The following SPEN variants were observed in gnomAD, a reference collection of about 807,000 sequenced individuals.
The protein encoded by SPEN is spen family transcriptional repressor.
A neutral mutation model predicts 269.9 loss-of-function variants in SPEN; 18 were observed. The ratio of observed to expected loss-of-function variants is 0.07; its 90% CI spans 0.05 to 0.10. The LOEUF (loss-of-function observed/expected upper bound fraction) is 0.10. Ranked by LOEUF, SPEN falls within the 10% of genes least tolerant of loss-of-function variation. SPEN has a pLI of 1.00. For missense variants in SPEN, 3,822 were observed against 4,631.2 expected, an observed-to-expected ratio of 0.83 and a Z score of 5.07; for synonymous variants, 1,726 against 1,765.7, an observed-to-expected ratio of 0.98 and a Z score of 0.56.
intron 10 of SPEN, among the ~76,000 whole-genome samples, chr1:15,924,239 C>G (rs1285682773): frequency 6.6e-6 from 1 of 152,140 alleles, no homozygotes; most frequent in African/African-American, 2.4e-5. Context: ...ATCCTGGCTT[C>G]CCAAGTAGCA....
chr1:15,910,690 G>A (rs911516246), intron 4 of SPEN, among the ~76,000 whole-genome samples: 4 of 150,706 alleles, frequency 2.7e-5, no homozygotes, highest in South Asian at 2.1e-4. Context: ...ATTTACACAC[G>A]TATATTTATG....
intron 3 of SPEN, among the ~76,000 whole-genome samples, chr1:15,877,840 G>A (rs575005855): frequency 6.7e-6 from 1 of 150,144 alleles, no homozygotes; most frequent in African/African-American, 2.5e-5. Flanking sequence ...CACCTCCTGG[G>A]TTCAAGTGAG....
At chr1:15,910,016 C>T (rs1026824998) in intron 4 of SPEN, among the ~76,000 whole-genome samples, 13 of 149,200 alleles carry the variant, frequency 8.7e-5, no homozygotes, top group African/African-American at 3.0e-4. Context: ...CCCAGCTACT[C>T]GGGAGGCTGA....
chr1:15,937,437 C>T lies in SPEN; in HGVS notation c.10301C>T (p.Pro3434Leu). ...AETGPTSFPS[P>L]VSVSMKPDLP... Reference sequence around the variant, plus strand: ...ACAGGCCCGACTTCCTTCCCCTCCCCTGTGTCTGTCTCCATGAAGCCTGAC... The same window carrying T: ...ACAGGCCCGACTTCCTTCCCCTCCCTTGTGTCTGTCTCCATGAAGCCTGAC... Residue 3434 changes from proline to leucine, a missense_variant, in exon 12 of 15, where the codon CCT becomes CTT. Physicochemically the swap from Pro to Leu is moderately conservative, Grantham distance 98. Coordinates refer to ENST00000375759, the MANE Select transcript of SPEN (RefSeq NM_015001.3). This position sits in a 1 kb window ranked among gnomAD's most constrained non-coding sequence, Gnocchi z 5.7. The T allele has an allele frequency of 1.2e-6, 2 of 1,613,862 alleles. No homozygotes were observed. The highest frequency in any genetic ancestry group is 3.3e-5 in the Admixed American group (2 of 60,030).
intron 3 of SPEN, among the ~76,000 whole-genome samples, chr1:15,899,162 T>C (rs1248933212): frequency 6.6e-6 from 1 of 152,122 alleles, no homozygotes; most frequent in African/African-American, 2.4e-5. Context: ...CATCCTTGCA[T>C]TTGTTATTTT....
At chr1:15,892,074 G>A (rs2070796123) in intron 3 of SPEN, among the ~76,000 whole-genome samples, 1 of 133,214 alleles carries the variant, frequency 7.5e-6, no homozygotes, top group African/African-American at 2.9e-5. Context: ...AGGCTGGAGT[G>A]CAGTGGCGTA....
In SPEN at chr1:15,935,130, G is replaced by C; in HGVS notation, c.8890G>C (p.Val2964Leu). Residue 2964 changes from valine to leucine, a missense_variant, in exon 11 of 15, where the codon GTC (valine) becomes CTC (leucine). By Grantham distance (32) the Val-to-Leu change is conservative. Around this residue, in one of 16 missense-constraint regions of SPEN, gnomAD observed 20 missense variants for 60.7 expected, o/e 0.33. Coordinates refer to ENST00000375759, the MANE Select transcript of SPEN (RefSeq NM_015001.3). The surrounding 1 kb of genome is among the most constrained non-coding windows in gnomAD (Gnocchi z 7.7). ...CACAAACAAGAAGCTTGCTGACCCC[G>C]TCACCCTTAAAATCGAGACCAAGGT... ...VTTNKKLADPVTLKIETKVLQ... is the reference protein window; with the variant it reads ...VTTNKKLADPLTLKIETKVLQ... 6.2e-7 allele frequency: 1 copy of C among 1,613,916 alleles called. No individual in the cohort carries two copies. The highest frequency in any genetic ancestry group is 8.5e-7 in the Non-Finnish European group (1 of 1,179,976).
At chr1:15,860,609 CTT>C (rs368279811) in intron 1 of SPEN, among the ~76,000 whole-genome samples, 1 of 143,642 alleles carries the variant, frequency 7.0e-6, no homozygotes, top group African/African-American at 2.5e-5. Flanking sequence ...CTATTAGTGA[CTT>C]TTTTTTTTTT....
chr1:15,921,421 T>C (rs77963335), intron 9 of SPEN, among the ~76,000 whole-genome samples: 5,295 of 152,064 alleles, frequency 0.035, 297 homozygotes, highest in African/African-American at 0.12. Context: ...GTATCATTAG[T>C]GTTTAAGGGG....
At chr1:15,852,491 T>TA (rs905739548) in intron 1 of SPEN, among the ~76,000 whole-genome samples, 3 of 152,020 alleles carry the variant, frequency 2.0e-5, no homozygotes, top group Non-Finnish European at 2.9e-5. Flanking sequence ...TACAAAATAA[T>TA]AAAAAATAAT....
chr1:15,860,286 G>A (rs1279482905), intron 1 of SPEN, among the ~76,000 whole-genome samples: 1 of 151,806 alleles, frequency 6.6e-6, no homozygotes, highest in African/African-American at 2.4e-5. Flanking sequence ...ACCCAGGTTG[G>A]AGGGGAGTGG....
intron 3 of SPEN, among the ~76,000 whole-genome samples, chr1:15,889,164 C>CTTT (rs56721891): frequency 0.016 from 1,980 of 124,880 alleles, 81 homozygotes; most frequent in African/African-American, 0.055. Flanking sequence ...CTTTTCTTTT[C>CTTT]TTTTTTTTTT....
intron 10 of SPEN, among the ~76,000 whole-genome samples, chr1:15,923,175 A>G: frequency 6.6e-6 from 1 of 152,260 alleles, no homozygotes; most frequent in East Asian, 1.9e-4. Flanking sequence ...GCCAAAGCAT[A>G]TGTAAACTGG....
At chr1:15,893,795 G>C (rs533227721) in intron 3 of SPEN, among the ~76,000 whole-genome samples, 2 of 152,086 alleles carry the variant, frequency 1.3e-5, no homozygotes, top group Non-Finnish European at 1.5e-5. Flanking sequence ...CAGCACTTTG[G>C]GGGAGGCTAA....
In SPEN at chr1:15,939,455, A is replaced by G; in HGVS notation, c.*28A>G. 6.4e-7 allele frequency: 1 copy of G among 1,554,542 alleles called. No individual in the cohort carries two copies. The highest frequency in any genetic ancestry group is 8.7e-7 in the Non-Finnish European group (1 of 1,149,104). ...CACTGAGTGGTTATCACCTCAGTGA[A>G]TCTTCCCAGGGCTCTGCAGTAAAAA... On this transcript the variant is annotated 3_prime_UTR_variant, in exon 15 of 15. Coordinates refer to ENST00000375759, the MANE Select transcript of SPEN (RefSeq NM_015001.3). The surrounding 1 kb of genome is among the most constrained non-coding windows in gnomAD (Gnocchi z 4.1).
intron 4 of SPEN, 88 bp from the exon 5 acceptor site, chr1:15,911,013 G>C (rs918819068): frequency 8.5e-7 from 1 of 1,178,006 alleles, no homozygotes; most frequent in Non-Finnish European, 1.2e-6. Flanking sequence ...AAAAAAATGA[G>C]AAAATCAGGC....
chr1:15,915,324 TG>T (rs566547908), intron 5 of SPEN, among the ~76,000 whole-genome samples: 7 of 151,860 alleles, frequency 4.6e-5, no homozygotes, highest in Non-Finnish European at 7.4e-5. Flanking sequence ...GGCAACAGGC[TG>T]GGGGGGTGGA....
At chr1:15,906,789 T>C (rs1306736030) in intron 3 of SPEN, among the ~76,000 whole-genome samples, 4 of 147,262 alleles carry the variant, frequency 2.7e-5, no homozygotes, top group African/African-American at 1.0e-4. Context: ...TTTTTTTTTT[T>C]TTTTTGAGAC....
chr1:15,932,002 A>G lies in SPEN; in HGVS notation c.5762A>G (p.Lys1921Arg). The G allele has an allele frequency of 6.2e-7, 1 of 1,614,240 alleles. No homozygotes were observed. The highest frequency in any genetic ancestry group is 8.5e-7 in the Non-Finnish European group (1 of 1,180,034). Residue 1921 changes from lysine to arginine, a missense_variant, in exon 11 of 15, where the codon AAA (lysine) becomes AGA (arginine). Lys to Arg is a conservative substitution (Grantham distance 26). Around this residue, in one of 16 missense-constraint regions of SPEN, gnomAD observed 533 missense variants for 618.8 expected, o/e 0.86. Transcript: ENST00000375759. The surrounding 1 kb of genome is among the most constrained non-coding windows in gnomAD (Gnocchi z 4.2). ...GACCATGAAAACCGCTCTCCTGTCA[A>G]AGAGCCCGTTGAGCAACCAAGAGTG... ...MGDHENRSPV[K>R]EPVEQPRVTR... is the part of the protein sequence containing the mutation.
Sources: gnomAD v4.1 joint callset for allele counts (sites outside exome capture counted in the v4.1 genomes callset) on GRCh38, gnomAD v4.1.1 for gene constraint, gnomAD v4.1.1 regional missense constraint, Gnocchi (gnomAD v3.1) non-coding constraint, MANE v1.5 for transcripts, NCBI Gene and HGNC (gene_info 2026-07-23, HGNC 2026-07-21) for gene names.